ARHGEF16: variants seen among roughly 807,000 people sequenced by gnomAD.
ARHGEF16 encodes Rho guanine nucleotide exchange factor 16, also known as Rho guanine exchange factor (GEF) 16.
Under a neutral mutation model 74.1 loss-of-function variants are expected in ARHGEF16, and 59 were observed. The ratio of observed to expected loss-of-function variants is 0.80; its 90% CI spans 0.65 to 0.99. The LOEUF is 0.99. Ranked by LOEUF, ARHGEF16 falls within the 50% of genes least tolerant of loss-of-function variation. ARHGEF16 has a pLI of 0.00. For missense variants in ARHGEF16, 948 were observed against 986.6 expected (o/e 0.96, Z 0.52); for synonymous variants, 415 against 412.6 (o/e 1.01, Z -0.07).
rs1486054504 is a variant in ARHGEF16, at chr1:3,473,421, C to T, written c.1204C>T (p.Leu402=). 1.9e-6 allele frequency: 3 copies of T among 1,612,282 alleles called. No individual in the cohort carries two copies. Among genetic ancestry groups the T allele is most frequent in the East Asian group, 2.2e-5 (1 of 44,874 alleles). The change falls in exon 8 of 15, where the codon CTG becomes TTG. Residue 402 remains leucine (L), a synonymous_variant. Coordinates refer to ENST00000378378, the MANE Select transcript of ARHGEF16 (RefSeq NM_014448.4). ...CAGCAACGCCGCCTTCCGAGAGGCC[C>T]TGAGAGAGATTGAGAGGCGGCCGGC... The part of the protein sequence containing the change: ...ISSNAAFREA[L]REIERRPACG...
At chr1:3,475,907 G>A in intron 9 of ARHGEF16, 63 bp from the exon 10 acceptor site, 2 of 1,477,844 alleles carry the variant, frequency 1.4e-6, no homozygotes, top group South Asian at 1.3e-5. Context: ...CACACTGTGG[G>A]CCGTGTGGGC....
At chr1:3,471,910 G>A (rs1639736065) in intron 6 of ARHGEF16, 2 of 835,876 alleles carry the variant, frequency 2.4e-6, no homozygotes, top group African/African-American at 3.7e-5. Flanking sequence ...TGCTCATCCA[G>A]CAACCGAGGC....
Position 3,478,438 on chromosome 1 carries a change from T to C in ARHGEF16, c.1640T>C (p.Met547Thr), listed in dbSNP as rs74050529. ...TGTCTCCACAGCGAGGAGAGCTACA[T>C]GGTCCAGGACTACGCCCAGATGAAC... ...VTKKKSEESY[M>T]VQDYAQMNHI... Residue 547 changes from methionine to threonine, a missense_variant, in exon 12 of 15, where the codon ATG becomes ACG. Transcript: ENST00000378378. 2,816 of 1,603,142 alleles carry C rather than the reference T, an allele frequency of 1.8e-3. 47 individuals carry two copies. In the African/African-American group the frequency reaches 0.033, roughly 19 times the overall value.
chr1:3,480,025 C>A, intron 14 of ARHGEF16, 112 bp downstream of exon 14: 1 of 1,051,856 alleles, frequency 9.5e-7, no homozygotes, highest in Non-Finnish European at 1.4e-6. Context: ...ACCATGTGCT[C>A]ACCCTCTCTC....
intron 6 of ARHGEF16, among the ~76,000 whole-genome samples, chr1:3,470,899 T>TG: frequency 7.4e-6 from 1 of 134,456 alleles, no homozygotes; most frequent in African/African-American, 2.9e-5. Flanking sequence ...TGTGTGTGCC[T>TG]GGCCAGGGGT....
chr1:3,465,989 G>C (rs1639531958), intron 2 of ARHGEF16, 159 bp from the exon 3 acceptor site: 1 of 730,234 alleles, frequency 1.4e-6, no homozygotes, highest in South Asian at 1.7e-5. Flanking sequence ...ACCTCTCTTG[G>C]CCTCTGCTTG....
Position 3,473,088 on chromosome 1 carries a change from G to T in ARHGEF16, c.1033G>T (p.Asp345Tyr). ...CCTCCTTGCCTTCAGGTTCTTCGAG[G>T]ACCTGGAGCAGCGGCACAAGGCCCA... ...VLGASQRFFE[D>Y]LEQRHKAQVL... The change falls in exon 7 of 15, where the codon GAC (aspartate) becomes TAC (tyrosine). Residue 345 changes from aspartate (D) to tyrosine (Y), a missense_variant. Coordinates refer to ENST00000378378, the MANE Select transcript of ARHGEF16 (RefSeq NM_014448.4). 1 of 1,612,902 alleles carries T rather than the reference G, an allele frequency of 6.2e-7. No homozygotes were observed. The highest frequency in any genetic ancestry group is 8.5e-7 in the Non-Finnish European group (1 of 1,179,736).
At chr1:3,473,038 C>T in intron 6 of ARHGEF16, 40 bp from the exon 7 acceptor site, 1 of 1,599,120 alleles carries the variant, frequency 6.3e-7, no homozygotes, top group Non-Finnish European at 8.5e-7. Flanking sequence ...GGCCCGACCA[C>T]CAGGCCCGTG....
In ARHGEF16 at chr1:3,463,532, CG is replaced by C; in HGVS notation, c.450del (p.Asn151ThrfsTer8). ...CGGGGGCATGCTGAGGCGGAACCTG[CG>C]GAACCAATCCTACCGGGCGGCCATG... ...DPGGMLRRNL[R>X]NQSYRAAMKG... On this transcript the variant is annotated frameshift_variant, in exon 2 of 15. Coordinates refer to ENST00000378378, the MANE Select transcript of ARHGEF16 (RefSeq NM_014448.4). LOFTEE classifies it high-confidence loss of function. 2 of 1,470,108 alleles carry C rather than the reference CG, an allele frequency of 1.4e-6. No individual in the cohort carries two copies. Among genetic ancestry groups the C allele is most frequent in the Non-Finnish European group, 1.8e-6 (2 of 1,107,844 alleles). 91.1% of individuals were successfully genotyped at this position (1,470,108 alleles called of 1,614,324 possible). A position where few individuals can be genotyped will look rare whatever the true frequency, so the allele number is the denominator to read the frequency against.
rs1640033846 is a variant in ARHGEF16 at position 3,480,664 on chromosome 1, G to GGGAGCT, written c.*80_*85dup. 1 of 1,540,296 alleles carries GGGAGCT rather than the reference G, an allele frequency of 6.5e-7. No individual in the cohort carries two copies. The highest frequency in any genetic ancestry group is 8.7e-7 in the Non-Finnish European group (1 of 1,145,868). On this transcript the variant is annotated 3_prime_UTR_variant, in exon 15 of 15. Transcript: ENST00000378378. Reference sequence around the variant, plus strand: ...GTCGTGCCTGGCTCTAGAGAGCGTGGGGAGCTGGTCTCAAGGACCCAGCAT... The same window carrying GGGAGCT: ...GTCGTGCCTGGCTCTAGAGAGCGTGGGGAGCTGGAGCTGGTCTCAAGGACCCAGCAT...
intron 1 of ARHGEF16, 132 bp from the exon 2 acceptor site, chr1:3,462,934 T>A: frequency 1.8e-6 from 1 of 566,680 alleles, no homozygotes; most frequent in Non-Finnish European, 2.9e-6. Context: ...GCTGCGTCGC[T>A]GTCCTTGCCT....
Position 3,479,826 on chromosome 1 carries a change from G to T in ARHGEF16, c.1903G>T (p.Glu635Ter). The T allele has an allele frequency of 6.2e-7, 1 of 1,612,108 alleles. No homozygotes were observed. The highest frequency in any genetic ancestry group is 1.1e-5 in the South Asian group (1 of 91,072). ...GCCCTATGCAGACCTGCCCCAGGTGGAGATCACCAAGGCCTTCTTCGCGAA... is the reference window on the plus strand; with the variant it reads ...GCCCTATGCAGACCTGCCCCAGGTGTAGATCACCAAGGCCTTCTTCGCGAA... ...LSSKGDLPQV[E>*]ITKAFFAKQA... is the part of the protein sequence containing the mutation. Residue 635 changes from glutamate to a stop codon, truncating the protein, a stop_gained, in exon 14 of 15, where the codon GAG becomes TAG. Transcript: ENST00000378378. LOFTEE classifies it high-confidence loss of function.
intron 1 of ARHGEF16, among the ~76,000 whole-genome samples, chr1:3,459,767 C>T (rs542782681): frequency 5.9e-5 from 9 of 152,312 alleles, no homozygotes; most frequent in African/African-American, 1.4e-4. Flanking sequence ...ATTAACAGGA[C>T]GTGGACAAGG....
intron 6 of ARHGEF16, 28 bp from the exon 7 acceptor site, chr1:3,473,050 C>T (rs377641248): frequency 1.2e-6 from 2 of 1,604,704 alleles, no homozygotes; most frequent in South Asian, 1.1e-5. Flanking sequence ...AGGCCCGTGG[C>T]ACCCTCCTCA....
chr1:3,461,597 G>C (rs947024364), intron 1 of ARHGEF16, among the ~76,000 whole-genome samples: 4 of 152,218 alleles, frequency 2.6e-5, no homozygotes, highest in African/African-American at 7.2e-5. Context: ...AAGTGCCCAG[G>C]GGGGTTGCAA....
intron 8 of ARHGEF16, chr1:3,474,243 A>G (rs561340270): frequency 1.4e-5 from 3 of 209,680 alleles, no homozygotes; most frequent in African/African-American, 2.3e-5. Flanking sequence ...ACACACATGC[A>G]TGCACATGGT....
chr1:3,467,278 G>T lies in ARHGEF16; in HGVS notation c.745G>T (p.Ala249Ser). Residue 249 changes from alanine (A) to serine (S), a missense_variant, in exon 4 of 15, where the codon GCC becomes TCC. Physicochemically the swap from Ala to Ser is moderately conservative, Grantham distance 99 (BLOSUM62 1). Transcript: ENST00000378378. ...CCCCGAGGGAACCCAGAAGGTGGAC[G>T]CCACCATTGTGGTCAAGAGCTACCG... is the stretch of plus-strand genomic sequence containing the variant. Reference protein sequence around the residue: ...SSPEGTQKVDATIVVKSYRPA... With the variant: ...SSPEGTQKVDSTIVVKSYRPA... 1 of 1,550,356 alleles carries T rather than the reference G, an allele frequency of 6.5e-7. No homozygotes were observed. Among genetic ancestry groups the T allele is most frequent in the South Asian group, 1.2e-5 (1 of 84,058 alleles).
At chr1:3,464,012 G>A (rs1160758058) in intron 2 of ARHGEF16, among the ~76,000 whole-genome samples, 1 of 152,232 alleles carries the variant, frequency 6.6e-6, no homozygotes, top group Admixed American at 6.5e-5. Context: ...TGGATGATAG[G>A]GTTCAGGGTG....
At chr1:3,460,213 G>A (rs974366867) in intron 1 of ARHGEF16, among the ~76,000 whole-genome samples, 1 of 152,182 alleles carries the variant, frequency 6.6e-6, no homozygotes, top group African/African-American at 2.4e-5. Flanking sequence ...CCCAGCAATG[G>A]CTCAGGCTCT....
Sources: allele counts gnomAD v4.1 joint callset (sites outside exome capture counted in the v4.1 genomes callset), GRCh38; gene constraint gnomAD v4.1.1; transcripts MANE v1.5; gene names NCBI Gene and HGNC (gene_info 2026-07-23, HGNC 2026-07-21).